USP4: variants seen among roughly 807,000 people sequenced by gnomAD.
USP4 encodes the protein ubiquitin carboxyl-terminal hydrolase 4.
A neutral mutation model predicts 118.2 loss-of-function variants in USP4; 72 were observed. The observed-to-expected ratio is 0.61, with a 90% CI of 0.50 to 0.74. The LOEUF is 0.74. Ranked by LOEUF, USP4 falls within the 30% of genes least tolerant of loss-of-function variation. The probability of loss-of-function intolerance (pLI) is 0.00; values close to 1 mark genes in which losing one functional copy is unlikely to be tolerated. For synonymous variants in USP4, 415 were observed against 440.4 expected, an observed-to-expected ratio of 0.94 and a Z score of 0.72; for missense variants, 1,037 against 1,185.7, an observed-to-expected ratio of 0.87 and a Z score of 1.84.
intron 6 of USP4, chr3:49,312,048 G>A (rs931897286): frequency 1.8e-5 from 5 of 273,814 alleles, no homozygotes; most frequent in African/African-American, 6.9e-5. Context: ...GCCAGGTCGC[G>A]CGTGGTGGCT....
chr3:49,326,547 C>T (rs994451814), intron 3 of USP4, among the ~76,000 whole-genome samples: 5 of 151,286 alleles, frequency 3.3e-5, no homozygotes, highest in African/African-American at 4.9e-5. Context: ...CAGGGGCCCA[C>T]CATCATGCCC....
chr3:49,295,714 G>GCGCGCGCACACACACACACACA (rs149459963), intron 13 of USP4, among the ~76,000 whole-genome samples: 92 of 148,390 alleles, frequency 6.2e-4, no homozygotes, highest in African/African-American at 2.2e-3. Flanking sequence ...GCGCGCGCGC[G>GCGCGCGCACACACACACACACA]CACACACACA....
chr3:49,326,757 A>G (rs1401498456), intron 3 of USP4, among the ~76,000 whole-genome samples: 1 of 145,126 alleles, frequency 6.9e-6, no homozygotes, highest in Non-Finnish European at 1.5e-5. Context: ...GCTGCAGTAC[A>G]GTGGGGTGAT....
intron 6 of USP4, among the ~76,000 whole-genome samples, chr3:49,317,843 C>A (rs1228966368): frequency 6.9e-6 from 1 of 144,320 alleles, no homozygotes; most frequent in African/African-American, 2.6e-5. Flanking sequence ...TGAGCCACTG[C>A]GCCCAGCCTG....
At chr3:49,332,148 G>T (rs895614980) in intron 2 of USP4, among the ~76,000 whole-genome samples, 9 of 151,732 alleles carry the variant, frequency 5.9e-5, no homozygotes. Context: ...GTGGTGGCAG[G>T]TACCTGTAAT....
intron 15 of USP4, among the ~76,000 whole-genome samples, chr3:49,288,233 G>A (rs2047120608): frequency 6.6e-6 from 1 of 152,182 alleles, no homozygotes; most frequent in Admixed American, 6.5e-5. Context: ...TCGGAGAAGG[G>A]CAGAACCCAA....
In USP4 at chr3:49,325,865, G is replaced by C; in HGVS notation, c.361-20C>G. 2 of 1,612,488 alleles carry C rather than the reference G, an allele frequency of 1.2e-6. No homozygotes were observed. Among genetic ancestry groups the C allele is most frequent in the Non-Finnish European group, 8.5e-7 (1 of 1,179,146 alleles). On this transcript the variant is annotated intron_variant, in intron 3 of 21. Transcript: ENST00000265560. ...CACAACCTATGAACAAGAGGCAGGGGTGAGGGCATAGCGGTTTTGCAGCTG... is the reference window on the plus strand; with the variant it reads ...CACAACCTATGAACAAGAGGCAGGGCTGAGGGCATAGCGGTTTTGCAGCTG...
At chr3:49,309,056 A>G (rs2047352212) in intron 8 of USP4, among the ~76,000 whole-genome samples, 1 of 147,694 alleles carries the variant, frequency 6.8e-6, no homozygotes, top group South Asian at 2.1e-4. Flanking sequence ...AAAAAAAAGG[A>G]AAGTACCATG....
chr3:49,319,970 T>G (rs2107795215), intron 6 of USP4, among the ~76,000 whole-genome samples: 1 of 152,060 alleles, frequency 6.6e-6, no homozygotes, highest in East Asian at 1.9e-4. Flanking sequence ...CAGGCTGCAG[T>G]GCAGTGCACA....
At position 49,302,519 on chromosome 3, in the gene USP4, A is replaced by G. The variant is rs1427895574; in HGVS notation, c.1152T>C (p.Pro384=). Residue 384 remains proline, a synonymous_variant, in exon 10 of 22, where the codon CCT becomes CCC. Coordinates refer to ENST00000265560, the MANE Select transcript of USP4 (RefSeq NM_003363.4). ...MFKTQVGRFA[P]QFSGYQQQDS... is the part of the protein sequence containing the mutation. ...CTTGTTGCTGGTAGCCAGAAAATTG[A>G]GGAGCAAAACGTCCTACTTGAGTCT... The G allele has an allele frequency of 3.7e-6, 6 of 1,614,024 alleles. No individual in the cohort carries two copies. Among genetic ancestry groups the G allele is most frequent in the African/African-American group, 2.7e-5 (2 of 74,946 alleles).
chr3:49,330,103 A>G (rs2047598516), intron 2 of USP4, among the ~76,000 whole-genome samples: 1 of 151,914 alleles, frequency 6.6e-6, no homozygotes, highest in Admixed American at 6.6e-5. Flanking sequence ...CCTGGGAGGG[A>G]GAGGTTGCAG....
chr3:49,325,946 A>G (rs2047550121), intron 3 of USP4, 101 bp from the exon 4 acceptor site: 2 of 1,436,400 alleles, frequency 1.4e-6, no homozygotes, highest in Non-Finnish European at 1.9e-6. Flanking sequence ...AACTCATGAT[A>G]ATCCATTTCC....
At chr3:49,295,714 G>GCGCGCGCACACACACACA (rs149459963) in intron 13 of USP4, among the ~76,000 whole-genome samples, 6 of 148,320 alleles carry the variant, frequency 4.0e-5, no homozygotes, top group African/African-American at 1.6e-4. Flanking sequence ...GCGCGCGCGC[G>GCGCGCGCACACACACACA]CACACACACA....
chr3:49,306,200 GTTTT>G (rs1326475375), intron 8 of USP4, among the ~76,000 whole-genome samples: 1 of 143,906 alleles, frequency 6.9e-6, no homozygotes, highest in East Asian at 2.0e-4. Context: ...TGAAAAAAGT[GTTTT>G]TTTTTGTTTT....
At position 49,284,087 on chromosome 3, in the gene USP4, G is replaced by A; in HGVS notation, c.2440C>T (p.Leu814=). Reference sequence around the variant, plus strand: ...ACCAGGATCTTGGGCAAGGACCATAGGTCAAACTTTTTTGTGGCCTGTTGA... The same window carrying A: ...ACCAGGATCTTGGGCAAGGACCATAAGTCAAACTTTTTTGTGGCCTGTTGA... ...KHQQATKKFD[L]WSLPKILVVH... is the part of the protein sequence containing the mutation. The change falls in exon 19 of 22, where the codon CTA becomes TTA. Residue 814 remains leucine (L), a synonymous_variant. Transcript: ENST00000265560. The A allele has an allele frequency of 6.2e-7, 1 of 1,614,256 alleles. No individual in the cohort carries two copies. The highest frequency in any genetic ancestry group is 8.5e-7 in the Non-Finnish European group (1 of 1,180,058).
intron 15 of USP4, among the ~76,000 whole-genome samples, chr3:49,289,694 A>T (rs890643997): frequency 2.6e-5 from 4 of 151,894 alleles, no homozygotes; most frequent in African/African-American, 9.7e-5. Flanking sequence ...AAGATGGTGA[A>T]ACCCCATCTC....
In USP4 at chr3:49,294,463, G is replaced by A. The variant is rs776360555; in HGVS notation, c.1827C>T (p.Val609=). ...ALYGQPLLLS[V]PKHKLTLESL... is the part of the protein sequence containing the mutation. Reference sequence around the variant, plus strand: ...ACTCAAGGGTTAACTTGTGCTTGGGGACAGAAAGCAATAGTGGCTGCCCAT... The same window carrying A: ...ACTCAAGGGTTAACTTGTGCTTGGGAACAGAAAGCAATAGTGGCTGCCCAT... Residue 609 remains valine, a synonymous_variant, in exon 14 of 22, where the codon GTC becomes GTT. Transcript: ENST00000265560. 7 of 1,614,188 alleles carry A rather than the reference G, an allele frequency of 4.3e-6. No homozygotes were observed. Among genetic ancestry groups the A allele is most frequent in the Admixed American group, 1.7e-5 (1 of 60,006 alleles).
rs1408736677 is a variant in USP4, at chr3:49,324,602, T to A, written c.695+100A>T. 4 of 1,134,378 alleles carry A rather than the reference T, an allele frequency of 3.5e-6. No homozygotes were observed. In the East Asian group the frequency reaches 9.4e-5, roughly 27 times the overall value. The allele number at this position is 1,134,378 out of a possible 1,614,324, so 70.3% of individuals were successfully genotyped here. Reference sequence around the variant, plus strand: ...GGATATACAAAATAGGCATTGTTCATCTGAATCAGAACAATTTTTCTTAGT... The same window carrying A: ...GGATATACAAAATAGGCATTGTTCAACTGAATCAGAACAATTTTTCTTAGT... On this transcript the variant is annotated intron_variant, in intron 6 of 21. Coordinates refer to ENST00000265560, the MANE Select transcript of USP4 (RefSeq NM_003363.4).
At chr3:49,335,371 C>T (rs1048744821) in intron 2 of USP4, 98 bp downstream of exon 2, 1 of 1,521,554 alleles carries the variant, frequency 6.6e-7, no homozygotes, top group African/African-American at 1.4e-5. Flanking sequence ...TCTATCTCCT[C>T]ACACTAGGAA....
Sources: allele counts gnomAD v4.1 joint callset (sites outside exome capture counted in the v4.1 genomes callset), GRCh38; gene constraint gnomAD v4.1.1; transcripts MANE v1.5; gene names NCBI Gene and HGNC (gene_info 2026-07-23, HGNC 2026-07-21).